The following AK7 variants were observed in gnomAD, a reference collection of about 807,000 sequenced individuals.
The protein encoded by AK7 is adenylate kinase 7.
A neutral mutation model predicts 96.6 loss-of-function variants in AK7; 78 were observed. The ratio of observed to expected loss-of-function variants is 0.81; its 90% CI spans 0.67 to 0.97. The LOEUF (loss-of-function observed/expected upper bound fraction) is 0.97, where lower values mean the gene tolerates loss of function less well. Ranked by LOEUF, AK7 falls within the 50% of genes least tolerant of loss-of-function variation. The probability of loss-of-function intolerance (pLI) is 0.00; values close to 1 mark genes in which losing one functional copy is unlikely to be tolerated. For missense variants in AK7, 855 were observed against 887.9 expected (o/e 0.96, Z 0.47); for synonymous variants, 302 against 317.2 (o/e 0.95, Z 0.51).
At chr14:96,411,317 C>CT (rs1210954470) in intron 4 of AK7, among the ~76,000 whole-genome samples, 1 of 152,140 alleles carries the variant, frequency 6.6e-6, no homozygotes, top group African/African-American at 2.4e-5. Flanking sequence ...TGAGAGCAGC[C>CT]TGGTCAACAT....
At chr14:96,477,818 A>C (rs1444392063) in intron 14 of AK7, among the ~76,000 whole-genome samples, 2 of 152,194 alleles carry the variant, frequency 1.3e-5, no homozygotes, top group Non-Finnish European at 2.9e-5. Flanking sequence ...TAATTTGGCA[A>C]ACTGGCCATC....
At chr14:96,461,897 A>G (rs1009968524) in intron 12 of AK7, among the ~76,000 whole-genome samples, 2 of 152,180 alleles carry the variant, frequency 1.3e-5, no homozygotes, top group Admixed American at 1.3e-4. Flanking sequence ...AGCATTATTT[A>G]TTGACAAAGA....
intron 17 of AK7, among the ~76,000 whole-genome samples, chr14:96,487,676 C>G (rs938151079): frequency 3.3e-5 from 5 of 151,836 alleles, no homozygotes; most frequent in African/African-American, 1.2e-4. Context: ...ATCTGCCTGC[C>G]TCGGTCTCCC....
chr14:96,463,050 T>C (rs1894344773), intron 12 of AK7, among the ~76,000 whole-genome samples: 1 of 151,976 alleles, frequency 6.6e-6, no homozygotes, highest in Non-Finnish European at 1.5e-5. Context: ...GGCAGGAGAA[T>C]CGCTTGAACC....
intron 12 of AK7, among the ~76,000 whole-genome samples, chr14:96,469,192 T>A (rs147613568): frequency 6.6e-6 from 1 of 152,354 alleles, no homozygotes; most frequent in East Asian, 1.9e-4. Flanking sequence ...CTAGATTAAG[T>A]GCCTTTAATT....
In AK7 at chr14:96,420,898, A is replaced by G. The variant is rs754081232; in HGVS notation, c.575A>G (p.Asn192Ser). ...CATCCTAATTTTCTGGACCACATAA[A>G]TGCTGAAAAAATGGTTCTCAAATTT... ...KSHPNFLDHI[N>S]AEKMVLKFGK... The change falls in exon 5 of 18, where the codon AAT becomes AGT. Residue 192 changes from asparagine (N) to serine (S), a missense_variant. Transcript: ENST00000267584. 7.4e-6 allele frequency: 12 copies of G among 1,613,114 alleles called. No homozygotes were observed. In the East Asian group the frequency reaches 2.7e-4, roughly 36 times the overall value.
chr14:96,471,681 T>A, intron 13 of AK7, 75 bp downstream of exon 13: 1 of 1,212,620 alleles, frequency 8.2e-7, no homozygotes, highest in Non-Finnish European at 1.1e-6. Context: ...AAGTAGTCAC[T>A]CAATTAAAGT....
chr14:96,451,623 A>G (rs1893611392), intron 10 of AK7, 53 bp downstream of exon 10: 1 of 1,371,176 alleles, frequency 7.3e-7, no homozygotes, highest in Non-Finnish European at 9.5e-7. Flanking sequence ...AATGAATCAA[A>G]CTTCTAGTGT....
At chr14:96,425,736 G>A (rs957372835) in intron 5 of AK7, among the ~76,000 whole-genome samples, 14 of 151,992 alleles carry the variant, frequency 9.2e-5, no homozygotes, top group Admixed American at 2.6e-4. Flanking sequence ...CACCTGCCTC[G>A]GCCTCCCAAA....
intron 14 of AK7, among the ~76,000 whole-genome samples, chr14:96,476,782 A>G (rs1895212000): frequency 6.6e-6 from 1 of 152,240 alleles, no homozygotes; most frequent in Admixed American, 6.5e-5. Flanking sequence ...TGGAAAGCCA[A>G]GGATGTTACT....
chr14:96,432,202 C>CTTTTTT (rs71103525), intron 5 of AK7, among the ~76,000 whole-genome samples: 14 of 101,194 alleles, frequency 1.4e-4, no homozygotes, highest in Non-Finnish European at 1.3e-4. Flanking sequence ...GCAACCCCTG[C>CTTTTTT]TTTTTTTTTT....
chr14:96,456,258 A>AAC, intron 10 of AK7, 89 bp from the exon 11 acceptor site: 1 of 1,071,154 alleles, frequency 9.3e-7, no homozygotes, highest in Non-Finnish European at 1.3e-6. Flanking sequence ...AAAAAAAAAA[A>AAC]AAAGCACTCC....
chr14:96,438,300 G>A (rs1264416447), intron 6 of AK7, among the ~76,000 whole-genome samples: 4 of 152,156 alleles, frequency 2.6e-5, no homozygotes, highest in Non-Finnish European at 4.4e-5. Flanking sequence ...GAGTATTTCA[G>A]ATGTTGAAAC....
At chr14:96,454,429 A>G (rs1595435464) in intron 10 of AK7, among the ~76,000 whole-genome samples, 1 of 151,998 alleles carries the variant, frequency 6.6e-6, no homozygotes, top group Non-Finnish European at 1.5e-5. Context: ...GTTTATCAGC[A>G]GGAGAAATGG....
At chr14:96,447,353 C>T (rs541334588) in intron 8 of AK7, among the ~76,000 whole-genome samples, 5 of 152,320 alleles carry the variant, frequency 3.3e-5, no homozygotes, top group East Asian at 1.9e-4. Flanking sequence ...CTCGCTCTTT[C>T]GCCCAGGCTG....
At chr14:96,409,039 C>A in intron 4 of AK7, 98 bp downstream of exon 4, 4 of 1,191,568 alleles carry the variant, frequency 3.4e-6, no homozygotes, top group Non-Finnish European at 3.6e-6. Context: ...TGTGTATTCT[C>A]CCACTCCTGA....
In AK7 at chr14:96,456,370, T is replaced by C; in HGVS notation, c.1122T>C (p.Gly374=). The C allele has an allele frequency of 6.2e-7, 1 of 1,611,880 alleles. No homozygotes were observed. The highest frequency in any genetic ancestry group is 8.5e-7 in the Non-Finnish European group (1 of 1,178,654). ...GLMPIKICIL[G]PPAVGKSSIA... is the part of the protein sequence containing the mutation. ...AGCCAATCAAGATCTGCATTCTTGG[T>C]CCCCCTGCTGTGGGAAAATCCAGTA... The change falls in exon 11 of 18, where the codon GGT becomes GGC. Residue 374 remains glycine (G), a synonymous_variant. Coordinates refer to ENST00000267584, the MANE Select transcript of AK7 (RefSeq NM_152327.5).
At chr14:96,467,529 G>A (rs930238239) in intron 12 of AK7, among the ~76,000 whole-genome samples, 8 of 151,996 alleles carry the variant, frequency 5.3e-5, no homozygotes, top group East Asian at 1.9e-4. Flanking sequence ...GTAGATACAC[G>A]GGGTTTCACT....
In AK7 at chr14:96,478,585, A is replaced by G. The variant is rs577315304; in HGVS notation, c.1676A>G (p.Asn559Ser). The stretch of plus-strand genomic sequence containing the variant: ...GACCGATTCCTCCGGGCTCTGAGCA[A>G]CTACCGGGACATCAATATCGACGAT... ...SQDRFLRALS[N>S]YRDINIDDET... Residue 559 changes from asparagine (N) to serine (S), a missense_variant, in exon 15 of 18, where the codon AAC becomes AGC. Physicochemically the swap from Asn to Ser is conservative, Grantham distance 46 (BLOSUM62 1). Coordinates refer to ENST00000267584, the MANE Select transcript of AK7 (RefSeq NM_152327.5). 2 of 1,614,250 alleles carry G rather than the reference A, an allele frequency of 1.2e-6. No individual in the cohort carries two copies. Among genetic ancestry groups the G allele is most frequent in the South Asian group, 1.1e-5 (1 of 91,086 alleles).
Sources: gnomAD v4.1 joint callset for allele counts (sites outside exome capture counted in the v4.1 genomes callset) on GRCh38, gnomAD v4.1.1 for gene constraint, MANE v1.5 for transcripts, NCBI Gene and HGNC (gene_info 2026-07-23, HGNC 2026-07-21) for gene names.